The following FGGY variants were observed in gnomAD, a reference collection of about 807,000 sequenced individuals.
The protein encoded by FGGY is FGGY carbohydrate kinase domain-containing protein.
FGGY carries 72 observed loss-of-function variants against 71.3 expected under a neutral mutation model. The ratio of observed to expected loss-of-function variants is 1.01; its 90% CI spans 0.84 to 1.23. The LOEUF (loss-of-function observed/expected upper bound fraction) is 1.23, where lower values mean the gene tolerates loss of function less well. Ranked by LOEUF, FGGY falls within the 50% of genes most tolerant of loss-of-function variation. FGGY has a pLI of 0.00. For synonymous variants in FGGY, 251 were observed against 250.3 expected, an observed-to-expected ratio of 1.00 and a Z score of -0.02; for missense variants, 668 against 682.3, an observed-to-expected ratio of 0.98 and a Z score of 0.23.
chr1:59,679,318 T>C (rs2097470855), intron 14 of FGGY, among the ~76,000 whole-genome samples: 1 of 152,242 alleles, frequency 6.6e-6, no homozygotes, highest in African/African-American at 2.4e-5. Flanking sequence ...TGTGATTTTT[T>C]TTTTTAGCTC....
chr1:59,411,387 A>C (rs932786910), intron 5 of FGGY, among the ~76,000 whole-genome samples: 1 of 152,236 alleles, frequency 6.6e-6, no homozygotes, highest in Non-Finnish European at 1.5e-5. Flanking sequence ...ACTTTGGCCA[A>C]TTTGTTAAGG....
chr1:59,594,857 A>G (rs1238367209), intron 8 of FGGY, among the ~76,000 whole-genome samples: 1 of 152,218 alleles, frequency 6.6e-6, no homozygotes, highest in East Asian at 1.9e-4. Context: ...TCTCAGCCAC[A>G]TGATGAGTGG....
chr1:59,403,260 A>G (rs2062224615), intron 5 of FGGY, among the ~76,000 whole-genome samples: 1 of 152,178 alleles, frequency 6.6e-6, no homozygotes, highest in Non-Finnish European at 1.5e-5. Flanking sequence ...AGAAGGTAAC[A>G]TTTTTCTCTA....
At chr1:59,433,584 C>A (rs1008708674) in intron 5 of FGGY, among the ~76,000 whole-genome samples, 2 of 152,160 alleles carry the variant, frequency 1.3e-5, no homozygotes, top group Non-Finnish European at 2.9e-5. Context: ...TACCACCTGG[C>A]AAAATCTCTT....
intron 8 of FGGY, among the ~76,000 whole-genome samples, chr1:59,606,986 G>A (rs79699370): frequency 0.015 from 2,219 of 152,300 alleles, 62 homozygotes; most frequent in African/African-American, 0.052. Context: ...GGACAGGATT[G>A]CTATTAGGTA....
At chr1:59,325,955 C>T (rs781112119) in intron 2 of FGGY, among the ~76,000 whole-genome samples, 46 of 152,210 alleles carry the variant, frequency 3.0e-4, no homozygotes, top group Non-Finnish European at 5.6e-4. Flanking sequence ...TTTATGGAAA[C>T]TCACAAGTCA....
At chr1:59,600,202 T>G (rs2096563652) in intron 8 of FGGY, among the ~76,000 whole-genome samples, 1 of 152,270 alleles carries the variant, frequency 6.6e-6, no homozygotes, top group East Asian at 1.9e-4. Flanking sequence ...CAGGAAGACT[T>G]GTGTTTGAAA....
At chr1:59,731,196 G>A (rs899772871) in intron 14 of FGGY, among the ~76,000 whole-genome samples, 5 of 152,334 alleles carry the variant, frequency 3.3e-5, no homozygotes, top group African/African-American at 9.6e-5. Context: ...AGCCCTAGAA[G>A]TAGCAAGCTG....
At chr1:59,339,509 G>C (rs1316274385) in intron 2 of FGGY, among the ~76,000 whole-genome samples, 1 of 151,750 alleles carries the variant, frequency 6.6e-6, no homozygotes, top group Admixed American at 6.6e-5. Flanking sequence ...TTGTTGCCCA[G>C]GCTGGAGTAC....
At chr1:59,681,307 C>G (rs936031531) in intron 14 of FGGY, among the ~76,000 whole-genome samples, 1 of 152,170 alleles carries the variant, frequency 6.6e-6, no homozygotes, top group Non-Finnish European at 1.5e-5. Flanking sequence ...TTTAGGCTAA[C>G]AAAACGCATT....
At chr1:59,475,857 G>C (rs575654072) in intron 6 of FGGY, among the ~76,000 whole-genome samples, 1 of 152,198 alleles carries the variant, frequency 6.6e-6, no homozygotes, top group Non-Finnish European at 1.5e-5. Context: ...AGCAGCCAGA[G>C]TGATATTTTA....
chr1:59,402,714 G>A (rs1239653410), intron 5 of FGGY, among the ~76,000 whole-genome samples: 8 of 152,138 alleles, frequency 5.3e-5, no homozygotes, highest in Non-Finnish European at 1.2e-4. Context: ...AGACAGGGTA[G>A]CAGCTCTGTG....
At chr1:59,482,606 A>G (rs2093521835) in intron 6 of FGGY, among the ~76,000 whole-genome samples, 1 of 140,694 alleles carries the variant, frequency 7.1e-6, no homozygotes, top group African/African-American at 2.8e-5. Flanking sequence ...GTGTGTATAT[A>G]TACATATGTG....
At chr1:59,382,326 A>G (rs944809304) in intron 5 of FGGY, among the ~76,000 whole-genome samples, 1 of 152,150 alleles carries the variant, frequency 6.6e-6, no homozygotes, top group Admixed American at 6.6e-5. Context: ...AGCAGAGAAC[A>G]TTTCAGAAGC....
chr1:59,380,645 G>GTT (rs1243503942), intron 5 of FGGY, among the ~76,000 whole-genome samples: 16 of 147,622 alleles, frequency 1.1e-4, no homozygotes, highest in Admixed American at 2.0e-4. Context: ...ATGGGGTTGT[G>GTT]TTTTTCTTGT....
At chr1:59,454,431 G>C (rs546556549) in intron 5 of FGGY, among the ~76,000 whole-genome samples, 92 of 152,202 alleles carry the variant, frequency 6.0e-4, no homozygotes, top group Non-Finnish European at 1.2e-3. Flanking sequence ...GATGTATGTT[G>C]CTTAAAAAAC....
intron 6 of FGGY, among the ~76,000 whole-genome samples, chr1:59,497,789 T>G (rs2094089542): frequency 6.6e-6 from 1 of 152,214 alleles, no homozygotes; most frequent in African/African-American, 2.4e-5. Context: ...TGGCTCACCC[T>G]TCCTGGAAGT....
intron 4 of FGGY, among the ~76,000 whole-genome samples, chr1:59,362,429 G>C (rs951109598): frequency 3.3e-5 from 5 of 152,218 alleles, no homozygotes; most frequent in African/African-American, 1.2e-4. Flanking sequence ...CACAAGGACT[G>C]ATGGTGGCTC....
Position 59,435,282 on chromosome 1 carries a change from A to G in FGGY, c.555-21679A>G, listed in dbSNP as rs188253719. On this transcript the variant is annotated intron_variant, in intron 5 of 15. Transcript: ENST00000303721. ...GAAGCCAGTATCTGGGGAATAATAA[A>G]ATGCAACGTGTATGTCCAATGACAA... Among the ~76,000 whole-genome samples the G allele has an allele frequency of 3.3e-5, 5 of 152,314 alleles. No homozygotes were observed. The East Asian group carries it at 9.7e-4, about 29-fold the overall frequency.
Sources: allele counts gnomAD v4.1 joint callset (sites outside exome capture counted in the v4.1 genomes callset), GRCh38; gene constraint gnomAD v4.1.1; transcripts MANE v1.5; gene names NCBI Gene and HGNC (gene_info 2026-07-23, HGNC 2026-07-21).